The following COL15A1 variants were observed in gnomAD, a reference collection of about 807,000 sequenced individuals.
COL15A1 encodes the protein collagen alpha-1(XV) chain.
A neutral mutation model predicts 165.9 loss-of-function variants in COL15A1; 111 were observed. The observed-to-expected ratio is 0.67, with a 90% CI of 0.57 to 0.78. The LOEUF (loss-of-function observed/expected upper bound fraction) is 0.78. Among genes scored for constraint, COL15A1 ranks in the 30% least tolerant of loss-of-function variants. The pLI, the probability that COL15A1 is intolerant of heterozygous loss-of-function variation, is 0.00. For missense variants in COL15A1, 1,745 were observed against 1,789.7 expected (o/e 0.98, Z 0.45); for synonymous variants, 659 against 674.8 (o/e 0.98, Z 0.36).
chr9:99,030,252 T>A (rs1839196528), intron 16 of COL15A1, among the ~76,000 whole-genome samples: 1 of 152,242 alleles, frequency 6.6e-6, no homozygotes, highest in South Asian at 2.1e-4. Context: ...ACTGATACCT[T>A]CATATTTCAT....
Position 99,049,865 on chromosome 9 carries a change from A to G in COL15A1, c.2874A>G (p.Pro958=), listed in dbSNP as rs750278355. The G allele has an allele frequency of 1.2e-5, 20 of 1,614,238 alleles. No homozygotes were observed. In the South Asian group the frequency reaches 1.9e-4, roughly 15 times the overall value. The change falls in exon 30 of 42, where the codon CCA becomes CCG. Residue 958 remains proline (P), a synonymous_variant. Transcript: ENST00000375001. ...CTCATTACCCACAGGCCATTTTCCCAATACCCGTCCGACCACACTGCAAAA... is the reference window on the plus strand; with the variant it reads ...CTCATTACCCACAGGCCATTTTCCCGATACCCGTCCGACCACACTGCAAAA... ...AVINIKGAIF[P]IPVRPHCKMP...
intron 35 of COL15A1, among the ~76,000 whole-genome samples, chr9:99,057,999 G>A (rs1386442020): frequency 1.3e-5 from 2 of 152,170 alleles, no homozygotes; most frequent in Non-Finnish European, 2.9e-5. Flanking sequence ...CAACTTGTGG[G>A]AGAGGTAGAT....
rs137968651 is a variant in COL15A1 at position 98,954,601 on chromosome 9, T to C, written c.100+10351T>C. Among the ~76,000 whole-genome samples, 32 of 152,372 alleles carry C rather than the reference T, an allele frequency of 2.1e-4. No homozygotes were observed. In the East Asian group the frequency reaches 5.8e-3, roughly 28 times the overall value. On this transcript the variant is annotated intron_variant, in intron 2 of 41. Coordinates refer to ENST00000375001, the MANE Select transcript of COL15A1 (RefSeq NM_001855.5). ...TCATTGCTCACTATTATGAACACTA[T>C]TGTGACGATCGTAGTCTTGTAGCTT... is the stretch of plus-strand genomic sequence containing the variant.
At chr9:98,979,280 A>G (rs1838192319) in intron 2 of COL15A1, among the ~76,000 whole-genome samples, 1 of 152,220 alleles carries the variant, frequency 6.6e-6, no homozygotes, top group African/African-American at 2.4e-5. Context: ...ATTTTGATAA[A>G]TGTTATTAAA....
chr9:98,988,826 G>A (rs1243678747), intron 4 of COL15A1, among the ~76,000 whole-genome samples: 5 of 152,032 alleles, frequency 3.3e-5, no homozygotes, highest in Non-Finnish European at 5.9e-5. Flanking sequence ...GTGAGGCTGC[G>A]GCAGGAGAAT....
intron 16 of COL15A1, among the ~76,000 whole-genome samples, chr9:99,029,785 C>T (rs939548146): frequency 1.3e-5 from 2 of 152,044 alleles, no homozygotes; most frequent in African/African-American, 4.8e-5. Flanking sequence ...ATTAGCTGGG[C>T]ATGGTGGTGG....
intron 2 of COL15A1, among the ~76,000 whole-genome samples, chr9:98,962,817 G>A (rs950078445): frequency 2.0e-5 from 3 of 152,224 alleles, no homozygotes; most frequent in Admixed American, 2.0e-4. Flanking sequence ...ACAAGATGGA[G>A]ATGGTCACTG....
intron 2 of COL15A1, among the ~76,000 whole-genome samples, chr9:98,963,109 C>A (rs1167839444): frequency 6.6e-6 from 1 of 152,216 alleles, no homozygotes; most frequent in Admixed American, 6.5e-5. Context: ...GGCTGGTCAG[C>A]CTTGCTCAGG....
chr9:99,059,661 A>G (rs1490063468), intron 35 of COL15A1, among the ~76,000 whole-genome samples: 1 of 152,246 alleles, frequency 6.6e-6, no homozygotes, highest in Non-Finnish European at 1.5e-5. Context: ...AGCACTAGCC[A>G]TGGCTTCATC....
chr9:99,035,546 C>A, intron 19 of COL15A1, 128 bp downstream of exon 19: 1 of 1,120,468 alleles, frequency 8.9e-7, no homozygotes, highest in Non-Finnish European at 1.3e-6. Flanking sequence ...CAGCCCCCAA[C>A]TGTGCAATAG....
chr9:99,012,604 A>G (rs1045828387), intron 9 of COL15A1, among the ~76,000 whole-genome samples: 5 of 152,170 alleles, frequency 3.3e-5, no homozygotes, highest in African/African-American at 1.2e-4. Context: ...TCATTTTACA[A>G]AAATACTTGC....
intron 40 of COL15A1, among the ~76,000 whole-genome samples, chr9:99,068,052 A>G (rs1298287427): frequency 2.0e-5 from 3 of 152,234 alleles, no homozygotes; most frequent in Non-Finnish European, 4.4e-5. Context: ...GTAAAAGCAA[A>G]AGCGTTCATG....
chr9:98,987,514 C>T lies in COL15A1; in HGVS notation c.723+146C>T, dbSNP rs538677704. On this transcript the variant is annotated intron_variant, in intron 4 of 41. Coordinates refer to ENST00000375001, the MANE Select transcript of COL15A1 (RefSeq NM_001855.5). ...CTCAAGTCCTATTTTGGGCTTTTGG[C>T]GTGATTTCACTTTTTAAAGAGCATC... is the stretch of plus-strand genomic sequence containing the variant. 8.0e-5 allele frequency: 52 copies of T among 648,710 alleles called. No individual in the cohort carries two copies. The East Asian group carries it at 8.7e-4, about 11-fold the overall frequency. The allele number at this position is 648,710 out of a possible 1,614,324, so 40.2% of individuals were successfully genotyped here.
At chr9:99,026,851 T>G (rs999897639) in intron 16 of COL15A1, among the ~76,000 whole-genome samples, 3 of 152,128 alleles carry the variant, frequency 2.0e-5, no homozygotes, top group Non-Finnish European at 4.4e-5. Flanking sequence ...ACACTAAAGG[T>G]GTTAGCTTAC....
intron 2 of COL15A1, among the ~76,000 whole-genome samples, chr9:98,962,470 T>C (rs1478076376): frequency 6.6e-6 from 1 of 152,168 alleles, no homozygotes; most frequent in Non-Finnish European, 1.5e-5. Flanking sequence ...TAATTTGTGG[T>C]GAGGAGACCA....
intron 5 of COL15A1, among the ~76,000 whole-genome samples, chr9:98,990,837 C>T (rs12554684): frequency 0.22 from 32,917 of 152,068 alleles, 4,028 homozygotes; most frequent in African/African-American, 0.33. Context: ...TTGGTCTCAC[C>T]GACTTCAAGA....
At chr9:98,990,210 G>A (rs1196377233) in intron 5 of COL15A1, among the ~76,000 whole-genome samples, 1 of 152,108 alleles carries the variant, frequency 6.6e-6, no homozygotes, top group Non-Finnish European at 1.5e-5. Context: ...ACGGAAAACT[G>A]CCCTTTGTGT....
At chr9:99,046,606 T>C (rs1839495430) in intron 26 of COL15A1, among the ~76,000 whole-genome samples, 1 of 152,166 alleles carries the variant, frequency 6.6e-6, no homozygotes. Context: ...GGAGAGAGAA[T>C]AAGTGCCAGC....
intron 11 of COL15A1, among the ~76,000 whole-genome samples, chr9:99,019,027 G>A (rs781328048): frequency 2.0e-5 from 3 of 152,182 alleles, no homozygotes; most frequent in Non-Finnish European, 2.9e-5. Flanking sequence ...ATGAGAGAGA[G>A]AAACGGAGAC....
Sources: allele counts gnomAD v4.1 joint callset (sites outside exome capture counted in the v4.1 genomes callset), GRCh38; gene constraint gnomAD v4.1.1; transcripts MANE v1.5; gene names NCBI Gene and HGNC (gene_info 2026-07-23, HGNC 2026-07-21).